ZNF549: variants seen among roughly 807,000 people sequenced by gnomAD.
ZNF549 encodes zinc finger protein 549.
ZNF549 carries 11 observed loss-of-function variants against 11.1 expected under a neutral mutation model. The ratio of observed to expected loss-of-function variants is 0.99; its 90% confidence interval spans 0.62 to 1.64. ZNF549 has a LOEUF of 1.64. Among genes scored for constraint, ZNF549 ranks in the 40% most tolerant of loss-of-function variants. The pLI is 0.00. For synonymous variants in ZNF549, 266 were observed against 269.1 expected (o/e 0.99, Z 0.11); for missense variants, 748 against 765.1 (o/e 0.98, Z 0.26).
At chr19:57,528,368 T>A (rs2089888739) in intron 1 of ZNF549, among the ~76,000 whole-genome samples, 1 of 152,176 alleles carries the variant, frequency 6.6e-6, no homozygotes. Flanking sequence ...AGTTGTTACA[T>A]GGGCAGTTGG....
rs1259429729 is a variant in ZNF549 at position 57,527,428 on chromosome 19, G to T, written c.-146G>T. 3 of 1,187,478 alleles carry T rather than the reference G, an allele frequency of 2.5e-6. No homozygotes were observed. Among genetic ancestry groups the T allele is most frequent in the Non-Finnish European group, 2.4e-6 (2 of 829,242 alleles). The allele number at this position is 1,187,478 out of a possible 1,614,324, so 73.6% of individuals were successfully genotyped here. On this transcript the variant is annotated 5_prime_UTR_variant, in exon 1 of 4. Coordinates refer to ENST00000376233, the MANE Select transcript of ZNF549 (RefSeq NM_001199295.2). ...GCTGGGTCCGGGCCAGGTAACTGGA[G>T]CCGGAAACCGGTGGAGGTGGTGTCC... is the stretch of plus-strand genomic sequence containing the variant.
intron 2 of ZNF549, 79 bp from the exon 3 acceptor site, chr19:57,535,065 A>G: frequency 6.4e-7 from 1 of 1,553,650 alleles, no homozygotes. Flanking sequence ...TCTGAGTTGG[A>G]GAACTAGGGA....
chr19:57,537,701 C>T lies in ZNF549; in HGVS notation c.697C>T (p.His233Tyr). The stretch of plus-strand genomic sequence containing the variant: ...TGAGCAAGTTTTCAATGAGAAAGTT[C>T]ATGTTACTGAGCATCAGAGAGTCCA... ...KCEQVFNEKV[H>Y]VTEHQRVHTG... is the part of the protein sequence containing the mutation. Residue 233 changes from histidine to tyrosine, a missense_variant, in exon 4 of 4, where the codon CAT becomes TAT. Physicochemically the swap from His to Tyr is moderately conservative, Grantham distance 83 (BLOSUM62 2). Transcript: ENST00000376233. The T allele has an allele frequency of 6.2e-7, 1 of 1,614,096 alleles. No homozygotes were observed. Among genetic ancestry groups the T allele is most frequent in the Non-Finnish European group, 8.5e-7 (1 of 1,180,024 alleles).
rs1023945832 is a variant in ZNF549, at chr19:57,537,219, T to C, written c.215T>C (p.Ile72Thr). ...LMASVGCLHGIEAEEAPSEQT... is the reference protein window; with the variant it reads ...LMASVGCLHGTEAEEAPSEQT... ...ATGCTTTTAGGTTGTTTGCATGGAA[T>C]AGAGGCTGAGGAGGCCCCTTCTGAG... The change falls in exon 4 of 4, where the codon ATA becomes ACA. Residue 72 changes from isoleucine (I) to threonine (T), a missense_variant. Coordinates refer to ENST00000376233, the MANE Select transcript of ZNF549 (RefSeq NM_001199295.2). The C allele has an allele frequency of 1.2e-5, 19 of 1,613,334 alleles. No individual in the cohort carries two copies. The highest frequency in any genetic ancestry group is 2.7e-5 in the African/African-American group (2 of 75,014).
intron 3 of ZNF549, among the ~76,000 whole-genome samples, chr19:57,535,683 G>A (rs943711975): frequency 6.6e-6 from 1 of 152,132 alleles, no homozygotes; most frequent in Non-Finnish European, 1.5e-5. Context: ...ATGACAGCAA[G>A]ACCCCCTCCC....
chr19:57,537,315 A>G lies in ZNF549; in HGVS notation c.311A>G (p.His104Arg). The G allele has an allele frequency of 1.9e-6, 3 of 1,614,222 alleles. No homozygotes were observed. The highest frequency in any genetic ancestry group is 1.7e-6 in the Non-Finnish European group (2 of 1,180,032). ...CTAGGTCCTTCCATCCCAAATGCTC[A>G]TTCTTGTGAGATGTGTATCCTGGTC... ...PKLGPSIPNA[H>R]SCEMCILVMK... The change falls in exon 4 of 4, where the codon CAT becomes CGT. Residue 104 changes from histidine to arginine, a missense_variant. Transcript: ENST00000376233.
In ZNF549 at chr19:57,537,990, A is replaced by G; in HGVS notation, c.986A>G (p.Glu329Gly). The change falls in exon 4 of 4, where the codon GAA (glutamate) becomes GGA (glycine). Residue 329 changes from glutamate to glycine, a missense_variant. Coordinates refer to ENST00000376233, the MANE Select transcript of ZNF549 (RefSeq NM_001199295.2). ...LVEHQRTHNG[E>G]KPYVCNVCGK... ...GAACACCAGAGAACCCATAATGGAG[A>G]AAAGCCTTATGTGTGCAATGTATGT... is the stretch of plus-strand genomic sequence containing the variant. 1 of 1,614,224 alleles carries G rather than the reference A, an allele frequency of 6.2e-7. No homozygotes were observed. The highest frequency in any genetic ancestry group is 1.1e-5 in the South Asian group (1 of 91,086).
At chr19:57,535,600 C>T (rs913980648) in intron 3 of ZNF549, among the ~76,000 whole-genome samples, 4 of 152,138 alleles carry the variant, frequency 2.6e-5, no homozygotes, top group Non-Finnish European at 5.9e-5. Context: ...CTTTAGTAGA[C>T]GTGTCTTTGG....
chr19:57,538,265 G>C lies in ZNF549; in HGVS notation c.1261G>C (p.Glu421Gln). 3 of 1,613,898 alleles carry C rather than the reference G, an allele frequency of 1.9e-6. No homozygotes were observed. The highest frequency in any genetic ancestry group is 2.5e-6 in the Non-Finnish European group (3 of 1,179,988). The change falls in exon 4 of 4, where the codon GAA (glutamate) becomes CAA (glutamine). Residue 421 changes from glutamate (E) to glutamine (Q), a missense_variant. By Grantham distance (29) the Glu-to-Gln change is conservative. Coordinates refer to ENST00000376233, the MANE Select transcript of ZNF549 (RefSeq NM_001199295.2). Reference sequence around the variant, plus strand: ...GGGAGAAAGGCCTTATGAGTGCAAAGAATGTGGGAAGGCCTTCATTCACAA... The same window carrying C: ...GGGAGAAAGGCCTTATGAGTGCAAACAATGTGGGAAGGCCTTCATTCACAA... The part of the protein sequence containing the change: ...HTGERPYECK[E>Q]CGKAFIHKKR...
intron 3 of ZNF549, among the ~76,000 whole-genome samples, chr19:57,536,875 A>T (rs1174157375): frequency 6.6e-6 from 1 of 152,128 alleles, no homozygotes; most frequent in African/African-American, 2.4e-5. Flanking sequence ...GGATCACTTG[A>T]GCTAAGGAAT....
intron 1 of ZNF549, among the ~76,000 whole-genome samples, chr19:57,529,056 T>A (rs954998200): frequency 2.0e-5 from 3 of 152,224 alleles, no homozygotes; most frequent in African/African-American, 7.2e-5. Context: ...ATTTTCTTTC[T>A]TTCTGATCAG....
Position 57,539,108 on chromosome 19 carries a change from C to A in ZNF549, c.*181C>A. ...GATTACTTGTACTTTCTAATCTGCCCAGTGTTACAACAGACACTACCATGT... is the reference window on the plus strand; with the variant it reads ...GATTACTTGTACTTTCTAATCTGCCAAGTGTTACAACAGACACTACCATGT... On this transcript the variant is annotated 3_prime_UTR_variant, in exon 4 of 4. Coordinates refer to ENST00000376233, the MANE Select transcript of ZNF549 (RefSeq NM_001199295.2). 1 of 665,018 alleles carries A rather than the reference C, an allele frequency of 1.5e-6. No individual in the cohort carries two copies. Among genetic ancestry groups the A allele is most frequent in the Non-Finnish European group, 2.5e-6 (1 of 401,598 alleles). The allele number at this position is 665,018 out of a possible 1,614,324, so 41.2% of individuals were successfully genotyped here.
chr19:57,528,969 G>T (rs759598596), intron 1 of ZNF549, among the ~76,000 whole-genome samples: 1 of 152,136 alleles, frequency 6.6e-6, no homozygotes, highest in Non-Finnish European at 1.5e-5. Flanking sequence ...GTCATGGACC[G>T]CATAACAACA....
At chr19:57,530,021 T>G (rs2089897340) in intron 1 of ZNF549, among the ~76,000 whole-genome samples, 1 of 152,192 alleles carries the variant, frequency 6.6e-6, no homozygotes, top group Non-Finnish European at 1.5e-5. Flanking sequence ...ACTTATAATT[T>G]TCACACTGAA....
At chr19:57,534,055 A>G (rs1668854141) in intron 2 of ZNF549, among the ~76,000 whole-genome samples, 5 of 152,334 alleles carry the variant, frequency 3.3e-5, no homozygotes, top group Admixed American at 3.3e-4. Flanking sequence ...TCCGTCAGCC[A>G]GTGGCTGGCC....
chr19:57,536,237 G>A (rs1338710932), intron 3 of ZNF549, among the ~76,000 whole-genome samples: 3 of 152,116 alleles, frequency 2.0e-5, no homozygotes, highest in African/African-American at 7.2e-5. Context: ...TAAACCCATT[G>A]TAAGTTGAGA....
chr19:57,539,144 C>T lies in ZNF549; in HGVS notation c.*217C>T. 2 of 532,840 alleles carry T rather than the reference C, an allele frequency of 3.8e-6. No homozygotes were observed. The highest frequency in any genetic ancestry group is 6.6e-6 in the Non-Finnish European group (2 of 302,314). 33.0% of individuals were successfully genotyped at this position (532,840 alleles called of 1,614,324 possible). On this transcript the variant is annotated 3_prime_UTR_variant, in exon 4 of 4. Coordinates refer to ENST00000376233, the MANE Select transcript of ZNF549 (RefSeq NM_001199295.2). ...CAGACACTACCATGTGGCATATCCTCACCGTTTTCATCAGTCACTCACATG... is the reference window on the plus strand; with the variant it reads ...CAGACACTACCATGTGGCATATCCTTACCGTTTTCATCAGTCACTCACATG...
intron 1 of ZNF549, among the ~76,000 whole-genome samples, chr19:57,529,445 A>G (rs2089893813): frequency 6.6e-6 from 1 of 152,264 alleles, no homozygotes; most frequent in Non-Finnish European, 1.5e-5. Flanking sequence ...AAGTTAAGTA[A>G]CTGCAGTTGA....
At position 57,532,319 on chromosome 19, in the gene ZNF549, A is replaced by G. The variant is rs563506118; in HGVS notation, c.72+1211A>G. Among the ~76,000 whole-genome samples the G allele has an allele frequency of 2.7e-4, 41 of 152,310 alleles. 1 individual carries two copies. The South Asian group carries it at 8.5e-3, about 32-fold the overall frequency. ...CCGTGGAAATGAAACTCTGAGAAGC[A>G]TAAAGGATTTATTATATTCATAGGT... On this transcript the variant is annotated intron_variant, in intron 2 of 3. Coordinates refer to ENST00000376233, the MANE Select transcript of ZNF549 (RefSeq NM_001199295.2).
Sources: allele counts gnomAD v4.1 joint callset (sites outside exome capture counted in the v4.1 genomes callset), GRCh38; gene constraint gnomAD v4.1.1; transcripts MANE v1.5; gene names NCBI Gene and HGNC (gene_info 2026-07-23, HGNC 2026-07-21).